RANGAP1: variants seen among roughly 807,000 people sequenced by gnomAD.
The protein encoded by RANGAP1 is ran GTPase-activating protein 1.
In RANGAP1, 38 loss-of-function variants were observed where a neutral mutation model predicts 63.5. That is an observed-to-expected ratio of 0.60 (90% CI 0.46 to 0.78). The LOEUF (loss-of-function observed/expected upper bound fraction) is 0.78, where lower values mean the gene tolerates loss of function less well. Among genes scored for constraint, RANGAP1 ranks in the 30% least tolerant of loss-of-function variants. The pLI is 0.00. For missense variants in RANGAP1, 630 were observed against 740.3 expected (o/e 0.85, Z 1.73); for synonymous variants, 329 against 310.5 (o/e 1.06, Z -0.63).
At chr22:41,266,025 A>AC (rs1224470928) in intron 4 of RANGAP1, among the ~76,000 whole-genome samples, 2 of 152,038 alleles carry the variant, frequency 1.3e-5, no homozygotes, top group Non-Finnish European at 2.9e-5. Flanking sequence ...ACACAGTGAA[A>AC]CCCCATCTCT....
intron 2 of RANGAP1, 195 bp downstream of exon 2, chr22:41,280,738 G>C (rs746446482): frequency 1.3e-6 from 2 of 1,517,276 alleles, no homozygotes; most frequent in Admixed American, 2.0e-5. Flanking sequence ...TACAAACATG[G>C]AAAGTGCAGG....
At chr22:41,264,101 G>A (rs2034325140) in intron 5 of RANGAP1, among the ~76,000 whole-genome samples, 2 of 152,216 alleles carry the variant, frequency 1.3e-5, no homozygotes, top group South Asian at 2.1e-4. Context: ...CTCCAACCCT[G>A]GGTCTAAAGG....
chr22:41,264,381 G>T (rs1175056983), intron 5 of RANGAP1, among the ~76,000 whole-genome samples: 1 of 152,228 alleles, frequency 6.6e-6, no homozygotes, highest in Non-Finnish European at 1.5e-5. Flanking sequence ...GTATAGGGAT[G>T]CCCCAAGCCC....
At chr22:41,269,163 T>C (rs1011686152) in intron 3 of RANGAP1, among the ~76,000 whole-genome samples, 1 of 152,160 alleles carries the variant, frequency 6.6e-6, no homozygotes, top group Non-Finnish European at 1.5e-5. Context: ...CACTGTAACC[T>C]TGACCTCCTG....
chr22:41,272,283 G>T (rs1010039158), intron 3 of RANGAP1, among the ~76,000 whole-genome samples: 1 of 152,148 alleles, frequency 6.6e-6, no homozygotes, highest in Middle Eastern at 3.4e-3. Context: ...TTATGCTCAG[G>T]GAAAGTACAG....
chr22:41,276,642 AAAAC>A (rs1446955327), intron 2 of RANGAP1, among the ~76,000 whole-genome samples: 25 of 152,182 alleles, frequency 1.6e-4, no homozygotes, highest in Admixed American at 1.4e-3. Flanking sequence ...TCCGTTTCAA[AAAAC>A]AAACAAAACA....
chr22:41,250,981 C>A (rs1434017031), intron 13 of RANGAP1, 26 bp downstream of exon 13: 1 of 1,601,746 alleles, frequency 6.2e-7, no homozygotes, highest in South Asian at 1.1e-5. Flanking sequence ...ACAGAGGGCA[C>A]CCAGGTCTCA....
chr22:41,252,325 TAATAA>T (rs1442818346), intron 12 of RANGAP1, among the ~76,000 whole-genome samples: 2 of 151,802 alleles, frequency 1.3e-5, no homozygotes, highest in Non-Finnish European at 2.9e-5. Context: ...AATAAATAAA[TAATAA>T]AATAAAGTAA....
intron 4 of RANGAP1, among the ~76,000 whole-genome samples, chr22:41,266,479 G>GA (rs2034483033): frequency 1.3e-5 from 2 of 152,202 alleles, no homozygotes; most frequent in South Asian, 4.1e-4. Context: ...TGCACAGTGA[G>GA]AATTCCACAG....
the RANGAP1 span, among the ~76,000 whole-genome samples, chr22:41,298,148 G>A: frequency 6.6e-5 from 10 of 150,522 alleles, no homozygotes; most frequent in Non-Finnish European, 1.3e-4. Context: ...ATGAGCCACC[G>A]TGCCTGGCCA....
At chr22:41,268,349 G>A (rs779478166) in intron 3 of RANGAP1, among the ~76,000 whole-genome samples, 193 bp from the exon 4 acceptor site, 5 of 152,054 alleles carry the variant, frequency 3.3e-5, no homozygotes, top group Non-Finnish European at 5.9e-5. Context: ...TCCACCTCCC[G>A]GGTTCAAGCA....
At position 41,245,053 on chromosome 22, in the gene RANGAP1, G is replaced by A. The variant is rs1361616496; in HGVS notation, c.*1550C>T. Among the ~76,000 whole-genome samples the A allele has an allele frequency of 6.6e-6, 1 of 152,080 alleles. No individual in the cohort carries two copies. Among genetic ancestry groups the A allele is most frequent in the Admixed American group, 6.6e-5 (1 of 15,258 alleles). Reference sequence around the variant, plus strand: ...TAACATGTTTTCAAAGTTCATCCACGTTGTAGCTGGCATCAGAACTTAATG... The same window carrying A: ...TAACATGTTTTCAAAGTTCATCCACATTGTAGCTGGCATCAGAACTTAATG... On this transcript the variant is annotated 3_prime_UTR_variant, in exon 16 of 16. Transcript: ENST00000356244.
chr22:41,274,490 C>T, intron 3 of RANGAP1, 110 bp downstream of exon 3: 1 of 1,497,976 alleles, frequency 6.7e-7, no homozygotes, highest in Non-Finnish European at 9.0e-7. Flanking sequence ...GCTTGGGGTA[C>T]AGCCACACAG....
intron 5 of RANGAP1, among the ~76,000 whole-genome samples, chr22:41,263,947 C>T (rs1378413120): frequency 1.3e-5 from 2 of 152,260 alleles, no homozygotes; most frequent in Non-Finnish European, 2.9e-5. Flanking sequence ...ATGGCATCAG[C>T]CACCTTTCAG....
intron 2 of RANGAP1, chr22:41,280,614 C>A: frequency 8.1e-7 from 1 of 1,236,202 alleles, no homozygotes; most frequent in Non-Finnish European, 1.1e-6. Context: ...GGGACAACAC[C>A]GGATATTAAG....
intron 5 of RANGAP1, among the ~76,000 whole-genome samples, chr22:41,264,177 A>C (rs1189310548): frequency 1.3e-5 from 2 of 152,174 alleles, no homozygotes; most frequent in Non-Finnish European, 2.9e-5. Context: ...TGGGAAGCAA[A>C]GAAGCTCCAC....
the RANGAP1 span, among the ~76,000 whole-genome samples, chr22:41,298,979 T>A: frequency 6.6e-6 from 1 of 152,162 alleles, no homozygotes; most frequent in Non-Finnish European, 1.5e-5. Flanking sequence ...GCTGCTTTCT[T>A]GCTGTATCCT....
intron 6 of RANGAP1, 22 bp from the exon 7 acceptor site, chr22:41,258,128 T>C: frequency 9.5e-6 from 15 of 1,573,726 alleles, no homozygotes; most frequent in Non-Finnish European, 1.2e-5. Flanking sequence ...AGGCAGAGAG[T>C]GGAGGGGGCC....
At chr22:41,253,592 C>A (rs1003310286) in intron 11 of RANGAP1, among the ~76,000 whole-genome samples, 1 of 152,116 alleles carries the variant, frequency 6.6e-6, no homozygotes, top group African/African-American at 2.4e-5. Flanking sequence ...ACACCAAGTG[C>A]CCAAGCCAGG....
Sources: allele counts gnomAD v4.1 joint callset (sites outside exome capture counted in the v4.1 genomes callset), GRCh38; gene constraint gnomAD v4.1.1; transcripts MANE v1.5; gene names NCBI Gene and HGNC (gene_info 2026-07-23, HGNC 2026-07-21).